FAM161B: variants seen among roughly 807,000 people sequenced by gnomAD.
FAM161B encodes protein FAM161B.
A neutral mutation model predicts 61.5 loss-of-function variants in FAM161B; 46 were observed. That is an observed-to-expected ratio of 0.75 (90% CI 0.59 to 0.96). The LOEUF (loss-of-function observed/expected upper bound fraction) is 0.96, where lower values mean the gene tolerates loss of function less well. Among genes scored for constraint, FAM161B ranks in the 40% least tolerant of loss-of-function variants. The pLI is 0.00. For missense variants in FAM161B, 774 were observed against 800.7 expected (o/e 0.97, Z 0.40); for synonymous variants, 284 against 302.7 (o/e 0.94, Z 0.64).
downstream of FAM161B, among the ~76,000 whole-genome samples, chr14:73,926,705 G>A (rs939221434): frequency 1.3e-5 from 2 of 151,800 alleles, no homozygotes; most frequent in African/African-American, 4.8e-5. Context: ...AAAGTGCTGG[G>A]ATTACAGGCG....
intron 7 of FAM161B, 74 bp from the exon 8 acceptor site, chr14:73,936,162 T>C (rs996809805): frequency 6.8e-7 from 1 of 1,463,502 alleles, no homozygotes; most frequent in African/African-American, 1.4e-5. Flanking sequence ...TAATCAGTAT[T>C]GTTACAATAC....
At chr14:73,934,971 C>T (rs934972951) in intron 8 of FAM161B, among the ~76,000 whole-genome samples, 2 of 151,734 alleles carry the variant, frequency 1.3e-5, no homozygotes, top group Non-Finnish European at 2.9e-5. Flanking sequence ...CGCTTGAACC[C>T]GGGAAGCGGA....
downstream of FAM161B, among the ~76,000 whole-genome samples, chr14:73,930,572 G>A (rs1390041708): frequency 4.6e-5 from 7 of 152,136 alleles, 1 homozygote; most frequent in Admixed American, 4.6e-4. Context: ...AGTTGTTTTT[G>A]TTCTGAATTT....
At chr14:73,929,182 C>T (rs142846528), downstream of FAM161B, among the ~76,000 whole-genome samples, 105 of 152,250 alleles carry the variant, frequency 6.9e-4, no homozygotes, top group African/African-American at 2.4e-3. Context: ...GCATTATTCT[C>T]CTCCTCGTAT....
intron 3 of FAM161B, 53 bp from the exon 4 acceptor site, chr14:73,942,768 G>A: frequency 6.6e-7 from 1 of 1,521,808 alleles, no homozygotes; most frequent in South Asian, 1.2e-5. Flanking sequence ...GAAACCTACA[G>A]GGTTGGAGAA....
downstream of FAM161B, chr14:73,932,013 C>T (rs1272851495): frequency 2.2e-6 from 1 of 456,508 alleles, no homozygotes; most frequent in Non-Finnish European, 4.4e-6. Context: ...GATGTCAATT[C>T]TCTTGTTACA....
downstream of FAM161B, among the ~76,000 whole-genome samples, chr14:73,930,396 C>T (rs772973839): frequency 1.3e-5 from 2 of 152,186 alleles, no homozygotes. Context: ...TTTCTGGCCT[C>T]AAGCAATCCT....
At chr14:73,925,466 C>T in the FAM161B span, among the ~76,000 whole-genome samples, 4 of 150,988 alleles carry the variant, frequency 2.6e-5, no homozygotes, top group Admixed American at 6.6e-5. Flanking sequence ...GTCCCACTGT[C>T]GCCCAGGCTG....
Position 73,940,969 on chromosome 14 carries a change from C to T in FAM161B, c.1357G>A (p.Val453Met), listed in dbSNP as rs757092869. ...TTCCTGGTGGCATCTGTGATGTGCA[C>T]AGGGAGAGTGTTGGCAGAGAGGGAA... ...LASLSANTLP[V>M]HITDATRKRE... Residue 453 changes from valine to methionine, a missense_variant, in exon 5 of 9, where the codon GTG becomes ATG. Physicochemically the swap from Val to Met is conservative, Grantham distance 21. Transcript: ENST00000286544. 1.5e-5 allele frequency: 25 copies of T among 1,613,790 alleles called. No homozygotes were observed. The highest frequency in any genetic ancestry group is 2.1e-5 in the Non-Finnish European group (25 of 1,179,900).
chr14:73,942,579 C>A lies in FAM161B; in HGVS notation c.1062G>T (p.Lys354Asn), dbSNP rs2056028950. The A allele has an allele frequency of 6.2e-7, 1 of 1,614,222 alleles. No individual in the cohort carries two copies. Among genetic ancestry groups the A allele is most frequent in the Non-Finnish European group, 8.5e-7 (1 of 1,180,038 alleles). The change falls in exon 4 of 9, where the codon AAG (lysine) becomes AAT (asparagine). Residue 354 changes from lysine to asparagine, a missense_variant. Coordinates refer to ENST00000286544, the MANE Select transcript of FAM161B (RefSeq NM_152445.3). ...PRTATRTQQEKLGFLHTNFRF... is the reference protein window; with the variant it reads ...PRTATRTQQENLGFLHTNFRF... Reference sequence around the variant, plus strand: ...TGAAGTTAGTGTGCAGAAACCCAAGCTTTTCCTGCTGGGTTCGGGTGGCTG... The same window carrying A: ...TGAAGTTAGTGTGCAGAAACCCAAGATTTTCCTGCTGGGTTCGGGTGGCTG...
Position 73,934,347 on chromosome 14 carries a change from A to G in FAM161B, c.1853T>C (p.Leu618Ser). 1 of 1,614,052 alleles carries G rather than the reference A, an allele frequency of 6.2e-7. No individual in the cohort carries two copies. Among genetic ancestry groups the G allele is most frequent in the Non-Finnish European group, 8.5e-7 (1 of 1,180,000 alleles). The change falls in exon 9 of 9, where the codon TTA (leucine) becomes TCA (serine). Residue 618 changes from leucine (L) to serine (S), a missense_variant. Transcript: ENST00000286544. ...TGCAGGCTGTTCTAGAGATCCTTCT[A>G]AACCCTGCTCTGGATCTCTGATGCT... ...KLSIRDPEQGLEGSLEQPASP... is the reference protein window; with the variant it reads ...KLSIRDPEQGSEGSLEQPASP...
downstream of FAM161B, among the ~76,000 whole-genome samples, chr14:73,930,749 T>C (rs1349560601): frequency 2.0e-5 from 3 of 152,092 alleles, no homozygotes. Context: ...ACTGCAAGCA[T>C]GTACCACCAT....
At chr14:73,938,545 G>A (rs574793621) in intron 5 of FAM161B, among the ~76,000 whole-genome samples, 175 of 152,108 alleles carry the variant, frequency 1.2e-3, no homozygotes, top group African/African-American at 3.9e-3. Context: ...GGCCGAGGCG[G>A]GCGGATCACA....
rs1377365795 is a variant in FAM161B at position 73,950,074 on chromosome 14, A to AGCGGTGGCAGCGAGAGCTAT, written c.-68_-49dup. 1 of 1,604,930 alleles carries AGCGGTGGCAGCGAGAGCTAT rather than the reference A, an allele frequency of 6.2e-7. No individual in the cohort carries two copies. Among genetic ancestry groups the AGCGGTGGCAGCGAGAGCTAT allele is most frequent in the African/African-American group, 1.3e-5 (1 of 74,436 alleles). On this transcript the variant is annotated 5_prime_UTR_variant, in exon 1 of 9. Transcript: ENST00000286544. ...CGACAGTGACAGCGATAGTGGCAGCAGCGGTGGCAGCGAGAGCTATGCGGG... is the reference window on the plus strand; with the variant it reads ...CGACAGTGACAGCGATAGTGGCAGCAGCGGTGGCAGCGAGAGCTATGCGGTGGCAGCGAGAGCTATGCGGG...
intron 1 of FAM161B, 67 bp downstream of exon 1, chr14:73,949,906 A>C: frequency 6.3e-7 from 1 of 1,595,314 alleles, no homozygotes; most frequent in Non-Finnish European, 8.5e-7. Flanking sequence ...GTCTGTCTCC[A>C]AGGCAACGCC....
At chr14:73,923,548 T>C in the FAM161B span, 1 of 1,601,780 alleles carries the variant, frequency 6.2e-7, no homozygotes, top group Non-Finnish European at 8.5e-7. Context: ...GCCCTTTGTT[T>C]CTGTGACAAT....
At chr14:73,932,009 AATTCTCTTGTTAC>A, downstream of FAM161B, 2 of 456,532 alleles carry the variant, frequency 4.4e-6, no homozygotes, top group Non-Finnish European at 8.8e-6. Context: ...GAGTGATGTC[AATTCTCTTGTTAC>A]ATTCTCCCTT....
At chr14:73,935,266 G>A (rs1361659886) in intron 8 of FAM161B, among the ~76,000 whole-genome samples, 5 of 151,514 alleles carry the variant, frequency 3.3e-5, no homozygotes, top group Non-Finnish European at 7.4e-5. Context: ...GGTCACTCAC[G>A]CCTGTAATCC....
intron 1 of FAM161B, among the ~76,000 whole-genome samples, chr14:73,949,284 T>A (rs1397992381): frequency 6.6e-6 from 1 of 152,138 alleles, no homozygotes; most frequent in Non-Finnish European, 1.5e-5. Context: ...GTATTTTTTT[T>A]AGTAGAGACA....
Sources: allele counts gnomAD v4.1 joint callset (sites outside exome capture counted in the v4.1 genomes callset), GRCh38; gene constraint gnomAD v4.1.1; transcripts MANE v1.5; gene names NCBI Gene and HGNC (gene_info 2026-07-23, HGNC 2026-07-21).